The following NRG3 variants were observed in gnomAD, a reference collection of about 807,000 sequenced individuals.
NRG3 encodes neuregulin 3, also known as pro-neuregulin-3, membrane-bound isoform.
A neutral mutation model predicts 66.9 loss-of-function variants in NRG3; 31 were observed. The ratio of observed to expected loss-of-function variants is 0.46; its 90% CI spans 0.35 to 0.63. The LOEUF (loss-of-function observed/expected upper bound fraction) is 0.63. Among genes scored for constraint, NRG3 ranks in the 20% least tolerant of loss-of-function variants. The pLI, the probability that NRG3 is intolerant of heterozygous loss-of-function variation, is 0.00. For synonymous variants in NRG3, 393 were observed against 359.4 expected, an observed-to-expected ratio of 1.09 and a Z score of -1.06; for missense variants, 910 against 878.9, an observed-to-expected ratio of 1.04 and a Z score of -0.45.
intron 2 of NRG3, among the ~76,000 whole-genome samples, chr10:82,426,367 C>T (rs1365293541): frequency 2.6e-5 from 4 of 151,992 alleles, no homozygotes; most frequent in African/African-American, 9.7e-5. Context: ...CTGTTGTTGT[C>T]TCCAATAGTG....
intron 2 of NRG3, among the ~76,000 whole-genome samples, chr10:82,685,543 G>C (rs2134158685): frequency 6.6e-6 from 1 of 152,250 alleles, no homozygotes; most frequent in South Asian, 2.1e-4. Flanking sequence ...TGTACACTCT[G>C]TAGACTTTAT....
intron 2 of NRG3, among the ~76,000 whole-genome samples, chr10:82,547,604 T>G (rs769225810): frequency 6.6e-6 from 1 of 151,590 alleles, no homozygotes; most frequent in Non-Finnish European, 1.5e-5. Flanking sequence ...TATGTATGTA[T>G]ATATGTACAT....
At chr10:82,541,495 T>C (rs1320378453) in intron 2 of NRG3, among the ~76,000 whole-genome samples, 1 of 152,054 alleles carries the variant, frequency 6.6e-6, no homozygotes, top group Non-Finnish European at 1.5e-5. Context: ...CGTGATCGAT[T>C]GAGCAAGCAG....
intron 2 of NRG3, among the ~76,000 whole-genome samples, chr10:82,403,658 T>A (rs2087279921): frequency 6.6e-6 from 1 of 152,180 alleles, no homozygotes; most frequent in Non-Finnish European, 1.5e-5. Context: ...CATATGGTTC[T>A]TCCTCCTGGG....
rs56890949 is a variant in NRG3 at position 81,939,703 on chromosome 10, TAAA to T, written c.823+63550_823+63552del. On this transcript the variant is annotated intron_variant, in intron 1 of 8. Coordinates refer to ENST00000372141, the MANE Select transcript of NRG3 (RefSeq NM_001010848.4). ...GGTGTGTCACTTTTGTTGATCTTAT[TAAA>T]AAAAAAAAACCCAAATCTTACTCTT... is the stretch of plus-strand genomic sequence containing the variant. 6.9e-5 allele frequency among the ~76,000 whole-genome samples: 10 copies of T among 145,904 alleles called. No homozygotes were observed. In the East Asian group the frequency reaches 1.2e-3, roughly 17 times the overall value.
At chr10:82,653,235 T>G (rs1037597922) in intron 2 of NRG3, among the ~76,000 whole-genome samples, 11 of 152,176 alleles carry the variant, frequency 7.2e-5, no homozygotes, top group African/African-American at 2.7e-4. Context: ...CAGCAAGGCC[T>G]TATGGAATCA....
intron 1 of NRG3, among the ~76,000 whole-genome samples, chr10:82,222,267 A>G (rs2075976418): frequency 6.6e-6 from 1 of 152,030 alleles, no homozygotes; most frequent in South Asian, 2.1e-4. Flanking sequence ...CTCTTCATTC[A>G]TGGAGCTTAT....
At chr10:82,267,632 T>C (rs2078369032) in intron 1 of NRG3, among the ~76,000 whole-genome samples, 1 of 152,216 alleles carries the variant, frequency 6.6e-6, no homozygotes, top group East Asian at 1.9e-4. Flanking sequence ...TATTGGTGCT[T>C]GTCAATCCAG....
At chr10:82,847,636 G>C (rs1289324817) in intron 3 of NRG3, among the ~76,000 whole-genome samples, 1 of 152,120 alleles carries the variant, frequency 6.6e-6, no homozygotes, top group Non-Finnish European at 1.5e-5. Flanking sequence ...AGAAAAATGT[G>C]TATATCATGA....
At chr10:82,708,773 T>G (rs2056476586) in intron 2 of NRG3, among the ~76,000 whole-genome samples, 1 of 152,220 alleles carries the variant, frequency 6.6e-6, no homozygotes, top group Non-Finnish European at 1.5e-5. Flanking sequence ...TCCAAAATGT[T>G]TGTCAATACT....
chr10:82,887,305 G>A (rs1034781015), intron 4 of NRG3, among the ~76,000 whole-genome samples: 6 of 152,190 alleles, frequency 3.9e-5, no homozygotes, highest in Non-Finnish European at 8.8e-5. Flanking sequence ...TACGCTGAAA[G>A]TGTGATGCTC....
At chr10:81,951,964 C>T (rs967400845) in intron 1 of NRG3, among the ~76,000 whole-genome samples, 14 of 152,094 alleles carry the variant, frequency 9.2e-5, no homozygotes, top group Non-Finnish European at 1.6e-4. Flanking sequence ...GAGTTCATGT[C>T]CTTTGTAGGG....
intron 4 of NRG3, among the ~76,000 whole-genome samples, chr10:82,868,007 G>T (rs1302380496): frequency 1.3e-5 from 2 of 152,188 alleles, no homozygotes; most frequent in Non-Finnish European, 2.9e-5. Context: ...TGCAGGCTCA[G>T]TGAGGCTTTA....
At chr10:82,404,768 G>C (rs541925595) in intron 2 of NRG3, among the ~76,000 whole-genome samples, 40 of 152,172 alleles carry the variant, frequency 2.6e-4, no homozygotes, top group African/African-American at 9.4e-4. Flanking sequence ...GAGTTAATGC[G>C]CTATAATGAA....
At chr10:82,714,214 T>C (rs2134425977) in intron 2 of NRG3, among the ~76,000 whole-genome samples, 1 of 152,332 alleles carries the variant, frequency 6.6e-6, no homozygotes, top group Non-Finnish European at 1.5e-5. Flanking sequence ...TATTTCTTCA[T>C]GTAGTTATCA....
intron 2 of NRG3, among the ~76,000 whole-genome samples, chr10:82,504,802 T>C (rs1359737172): frequency 5.3e-5 from 8 of 152,144 alleles, no homozygotes; most frequent in African/African-American, 1.7e-4. Context: ...GCGGCTCTTA[T>C]AGACCCTCCT....
At position 82,099,841 on chromosome 10, in the gene NRG3, G is replaced by A. The variant is rs574427905; in HGVS notation, c.823+223678G>A. 2.0e-4 allele frequency among the ~76,000 whole-genome samples: 30 copies of A among 151,864 alleles called. No individual in the cohort carries two copies. The South Asian group carries it at 5.2e-3, about 26-fold the overall frequency. On this transcript the variant is annotated intron_variant, in intron 1 of 8. Coordinates refer to ENST00000372141, the MANE Select transcript of NRG3 (RefSeq NM_001010848.4). Reference sequence around the variant, plus strand: ...ACAAAAACAAAAAAACAACTTAGCTGGTCCCAGTGCCACATGCCTATACTC... The same window carrying A: ...ACAAAAACAAAAAAACAACTTAGCTAGTCCCAGTGCCACATGCCTATACTC...
At chr10:82,631,718 T>G (rs1367499972) in intron 2 of NRG3, among the ~76,000 whole-genome samples, 1 of 152,060 alleles carries the variant, frequency 6.6e-6, no homozygotes, top group Admixed American at 6.6e-5. Flanking sequence ...GGTTCACGTG[T>G]CTTTGTTAGT....
At chr10:82,320,369 A>G (rs566668851) in intron 1 of NRG3, among the ~76,000 whole-genome samples, 1 of 152,310 alleles carries the variant, frequency 6.6e-6, no homozygotes, top group Non-Finnish European at 1.5e-5. Flanking sequence ...GGAGAAAAAG[A>G]AAAGAAGAAA....
Sources: gnomAD v4.1 joint callset for allele counts (sites outside exome capture counted in the v4.1 genomes callset) on GRCh38, gnomAD v4.1.1 for gene constraint, MANE v1.5 for transcripts, NCBI Gene and HGNC (gene_info 2026-07-23, HGNC 2026-07-21) for gene names.